Variants in ERC2 observed in about 807,000 individuals in gnomAD.
The protein encoded by ERC2 is ELKS/RAB6-interacting/CAST family member 2.
Under a neutral mutation model 114.8 loss-of-function variants are expected in ERC2, and 42 were observed. That is an observed-to-expected ratio of 0.37 (90% CI 0.29 to 0.47). ERC2 has a LOEUF of 0.47. Ranked by LOEUF, ERC2 falls within the 20% of genes least tolerant of loss-of-function variation. The probability of loss-of-function intolerance (pLI) is 0.99; values close to 1 mark genes in which losing one functional copy is unlikely to be tolerated. For missense variants in ERC2, 939 were observed against 1,150.7 expected (o/e 0.82, Z 2.66); for synonymous variants, 454 against 425.5 (o/e 1.07, Z -0.82).
chr3:56,265,523 ACTT>A (rs1318869921), intron 3 of ERC2, among the ~76,000 whole-genome samples: 2 of 152,320 alleles, frequency 1.3e-5, no homozygotes, highest in African/African-American at 4.8e-5. Context: ...ATAGGAAAAA[ACTT>A]CTTGACATTG....
chr3:55,915,343 G>C (rs930679644), intron 13 of ERC2, among the ~76,000 whole-genome samples: 1 of 152,006 alleles, frequency 6.6e-6, no homozygotes. Context: ...GGTCATTTTA[G>C]CTAATTAAAA....
At chr3:56,422,632 A>G (rs761576529) in intron 2 of ERC2, among the ~76,000 whole-genome samples, 3 of 151,544 alleles carry the variant, frequency 2.0e-5, no homozygotes, top group Non-Finnish European at 4.4e-5. Context: ...TGCTTACTCC[A>G]CTCTATCTTA....
At chr3:55,771,367 T>C (rs2068187026) in intron 14 of ERC2, among the ~76,000 whole-genome samples, 1 of 152,192 alleles carries the variant, frequency 6.6e-6, no homozygotes, top group East Asian at 1.9e-4. Context: ...ACATCGATTG[T>C]GCTAGGTACT....
intron 3 of ERC2, among the ~76,000 whole-genome samples, chr3:56,280,458 T>C (rs1315400232): frequency 6.6e-6 from 1 of 151,784 alleles, no homozygotes; most frequent in Non-Finnish European, 1.5e-5. Context: ...CTGGCTTGGG[T>C]TGGGAGGTAC....
intron 17 of ERC2, among the ~76,000 whole-genome samples, chr3:55,604,165 T>A (rs888884532): frequency 6.6e-6 from 1 of 152,152 alleles, no homozygotes; most frequent in Non-Finnish European, 1.5e-5. Context: ...ATTTGCAGAA[T>A]CTCTTCTTTC....
At chr3:55,845,158 A>T (rs911565115) in intron 14 of ERC2, among the ~76,000 whole-genome samples, 1 of 152,158 alleles carries the variant, frequency 6.6e-6, no homozygotes, top group African/African-American at 2.4e-5. Context: ...TCCTAACAGG[A>T]CATGGATCAG....
chr3:55,793,415 A>G (rs1478061438), intron 14 of ERC2, among the ~76,000 whole-genome samples: 1 of 152,200 alleles, frequency 6.6e-6, no homozygotes, highest in Non-Finnish European at 1.5e-5. Context: ...TCTGTGACTT[A>G]TAGTCACTGC....
At chr3:55,758,697 A>G (rs777314202) in intron 14 of ERC2, among the ~76,000 whole-genome samples, 4 of 152,208 alleles carry the variant, frequency 2.6e-5, no homozygotes, top group Non-Finnish European at 4.4e-5. Flanking sequence ...CATTTAATAT[A>G]AGGAAGTGTG....
intron 5 of ERC2, 45 bp from the exon 6 acceptor site, chr3:56,139,721 C>A (rs1238288390): frequency 3.9e-6 from 6 of 1,542,996 alleles, no homozygotes; most frequent in South Asian, 1.2e-5. Context: ...AATTGCTGCC[C>A]CTACACTTTA....
At chr3:55,666,501 T>G (rs1248171518) in intron 17 of ERC2, among the ~76,000 whole-genome samples, 1 of 152,198 alleles carries the variant, frequency 6.6e-6, no homozygotes, top group Non-Finnish European at 1.5e-5. Context: ...GGTCAAACTC[T>G]GATAATGTTC....
At chr3:55,821,852 T>C (rs1026593973) in intron 14 of ERC2, among the ~76,000 whole-genome samples, 2 of 152,226 alleles carry the variant, frequency 1.3e-5, no homozygotes, top group African/African-American at 2.4e-5. Context: ...TAGATTACCA[T>C]AGGCTGGGGC....
intron 17 of ERC2, among the ~76,000 whole-genome samples, chr3:55,632,346 C>A (rs1253404015): frequency 1.3e-5 from 2 of 152,158 alleles, no homozygotes; most frequent in Non-Finnish European, 2.9e-5. Flanking sequence ...AGAAGAGAAG[C>A]AAGGAGGCCC....
intron 14 of ERC2, among the ~76,000 whole-genome samples, chr3:55,830,173 C>T (rs1192557448): frequency 6.6e-6 from 1 of 152,044 alleles, no homozygotes; most frequent in South Asian, 2.1e-4. Context: ...AGACAGAAAA[C>T]AATGGAACAA....
intron 17 of ERC2, among the ~76,000 whole-genome samples, chr3:55,537,141 C>T (rs533567047): frequency 1.1e-3 from 169 of 152,334 alleles, no homozygotes; most frequent in Middle Eastern, 0.01. Context: ...GCCGCATGGG[C>T]TCCACCGACA....
intron 14 of ERC2, among the ~76,000 whole-genome samples, chr3:55,803,754 G>C (rs991108327): frequency 6.6e-6 from 1 of 152,118 alleles, no homozygotes; most frequent in African/African-American, 2.4e-5. Flanking sequence ...GGTTCATTTT[G>C]AGAACAGATG....
chr3:56,006,911 T>C (rs1041422828), intron 10 of ERC2, among the ~76,000 whole-genome samples: 1 of 152,080 alleles, frequency 6.6e-6, no homozygotes, highest in African/African-American at 2.4e-5. Flanking sequence ...CAGAGAGTAA[T>C]GGCTGGTTTT....
intron 14 of ERC2, among the ~76,000 whole-genome samples, chr3:55,776,901 C>T (rs12631767): frequency 0.11 from 16,526 of 152,126 alleles, 1,159 homozygotes; most frequent in East Asian, 0.23. Context: ...GTAGTTTTTC[C>T]GTGAATGTGA....
At position 55,786,340 on chromosome 3, in the gene ERC2, G is replaced by A. The variant is rs1432414393; in HGVS notation, c.2565-51422C>T. 2.0e-5 allele frequency among the ~76,000 whole-genome samples: 3 copies of A among 152,194 alleles called. No individual in the cohort carries two copies. In the East Asian group the frequency reaches 5.8e-4, roughly 29 times the overall value. On this transcript the variant is annotated intron_variant, in intron 14 of 17. Coordinates refer to ENST00000288221, the MANE Select transcript of ERC2 (RefSeq NM_015576.3). ...ATGGAAATTATTCAAATGCTGACTTGATGCCAAGGGCCATGCCCATTGAGC... is the reference window on the plus strand; with the variant it reads ...ATGGAAATTATTCAAATGCTGACTTAATGCCAAGGGCCATGCCCATTGAGC...
intron 2 of ERC2, among the ~76,000 whole-genome samples, chr3:56,430,981 C>A (rs778215749): frequency 1.4e-4 from 21 of 152,104 alleles, no homozygotes; most frequent in Non-Finnish European, 2.6e-4. Flanking sequence ...GCCTTAAGAC[C>A]TAGCTATGCT....
Sources: gnomAD v4.1 joint callset for allele counts (sites outside exome capture counted in the v4.1 genomes callset) on GRCh38, gnomAD v4.1.1 for gene constraint, MANE v1.5 for transcripts, NCBI Gene and HGNC (gene_info 2026-07-23, HGNC 2026-07-21) for gene names.